Variants in OBSL1 observed in about 807,000 individuals in gnomAD.
The protein encoded by OBSL1 is obscurin-like protein 1.
Under a neutral mutation model 172.0 loss-of-function variants are expected in OBSL1, and 160 were observed. The observed-to-expected ratio is 0.93, with a 90% CI of 0.82 to 1.06. The LOEUF is 1.06. OBSL1 is among the 50% of genes least tolerant of loss of function. The pLI is 0.00. For synonymous variants in OBSL1, 1,200 were observed against 1,196.3 expected (o/e 1.00, Z -0.06); for missense variants, 2,681 against 2,715.4 (o/e 0.99, Z 0.28).
At chr2:219,557,077 C>G in intron 12 of OBSL1, 1 of 487,592 alleles carries the variant, frequency 2.1e-6, no homozygotes, top group Non-Finnish European at 3.6e-6. Flanking sequence ...TGGCCAATGT[C>G]ACACAGCTAC....
Position 219,557,468 on chromosome 2 carries a change from C to A in OBSL1, c.3941G>T (p.Arg1314Leu), listed in dbSNP as rs760985580. The change falls in exon 12 of 21, where the codon CGG becomes CTG. Residue 1314 changes from arginine (R) to leucine (L), a missense_variant. Physicochemically the swap from Arg to Leu is moderately radical, Grantham distance 102. Transcript: ENST00000404537. Reference protein sequence around the residue: ...KDGERLASQGRVQLEQAGARQ... With the variant: ...KDGERLASQGLVQLEQAGARQ... Reference sequence around the variant, plus strand: ...GGCCCCGGCCTGCTCCAGCTGCACCCGCCCCTGGCTTGCCAGTCGCTCCCC... The same window carrying A: ...GGCCCCGGCCTGCTCCAGCTGCACCAGCCCCTGGCTTGCCAGTCGCTCCCC... 6.4e-7 allele frequency: 1 copy of A among 1,551,542 alleles called. No individual in the cohort carries two copies. Among genetic ancestry groups the A allele is most frequent in the South Asian group, 1.2e-5 (1 of 84,180 alleles).
At chr2:219,554,125 G>T in intron 15 of OBSL1, 1 of 417,040 alleles carries the variant, frequency 2.4e-6, no homozygotes, top group Non-Finnish European at 4.4e-6. Flanking sequence ...GGCGGGCAGA[G>T]GGAGCCACGG....
In OBSL1 at chr2:219,571,114, G is replaced by A; in HGVS notation, c.119C>T (p.Pro40Leu). 6.8e-7 allele frequency: 1 copy of A among 1,469,720 alleles called. No homozygotes were observed. The highest frequency in any genetic ancestry group is 1.3e-5 in the South Asian group (1 of 76,484). 91.0% of individuals were successfully genotyped at this position (1,469,720 alleles called of 1,614,324 possible). A position where few individuals can be genotyped will look rare whatever the true frequency, so the allele number is the denominator to read the frequency against. Residue 40 changes from proline to leucine, a missense_variant, in exon 1 of 21, where the codon CCG becomes CTG. Pro to Leu is a moderately conservative substitution (Grantham distance 98, BLOSUM62 -3). Transcript: ENST00000404537. ...ELKCVVLGEP[P>L]PVVVWEKGGQ... ...GCCCTTCTCCCACACCACTACAGGC[G>A]GCGGCTCCCCCAGGACCACGCACTT...
chr2:219,568,376 T>C lies in OBSL1; in HGVS notation c.1013-52A>G, dbSNP rs1697088551. Reference sequence around the variant, plus strand: ...AGAGGGCTCTGGAGAAGGCCCAGACTAGGAGTAGGATACCTAGAAGCGCAT... The same window carrying C: ...AGAGGGCTCTGGAGAAGGCCCAGACCAGGAGTAGGATACCTAGAAGCGCAT... On this transcript the variant is annotated intron_variant, in intron 1 of 20. Transcript: ENST00000404537. This position sits in a 1 kb window ranked among gnomAD's most constrained non-coding sequence, Gnocchi z 4.1. 2 of 1,520,598 alleles carry C rather than the reference T, an allele frequency of 1.3e-6. No homozygotes were observed. Among genetic ancestry groups the C allele is most frequent in the Admixed American group, 2.0e-5 (1 of 51,176 alleles). The allele number at this position is 1,520,598 out of a possible 1,614,324, so 94.2% of individuals were successfully genotyped here.
Position 219,568,896 on chromosome 2 carries a change from G to C in OBSL1, c.1013-572C>G, listed in dbSNP as rs139123368. Among the ~76,000 whole-genome samples, 2 of 151,758 alleles carry C rather than the reference G, an allele frequency of 1.3e-5. No homozygotes were observed. The highest frequency in any genetic ancestry group is 4.8e-5 in the African/African-American group (2 of 41,320). ...AGTAGAGCTGGGATTACAGGCAGGCGCCACCACGCCTGGCTAATGATTTTG... is the reference window on the plus strand; with the variant it reads ...AGTAGAGCTGGGATTACAGGCAGGCCCCACCACGCCTGGCTAATGATTTTG... On this transcript the variant is annotated intron_variant, in intron 1 of 20. Coordinates refer to ENST00000404537, the MANE Select transcript of OBSL1 (RefSeq NM_015311.3). This position sits in a 1 kb window ranked among gnomAD's most constrained non-coding sequence, Gnocchi z 4.1.
chr2:219,561,839 G>A (rs1462552894), intron 8 of OBSL1: 1 of 716,492 alleles, frequency 1.4e-6, no homozygotes, highest in Admixed American at 2.0e-5. Context: ...CAATGGCAGG[G>A]AGGTGGGACA....
intron 18 of OBSL1, 155 bp downstream of exon 18, chr2:219,552,381 G>A (rs1381970584): frequency 8.1e-6 from 7 of 860,412 alleles, no homozygotes; most frequent in African/African-American, 3.4e-5. Context: ...CCGGGACTAG[G>A]GGCTGGGGGC....
intron 7 of OBSL1, 183 bp from the exon 8 acceptor site, chr2:219,562,857 A>C: frequency 3.0e-6 from 2 of 664,186 alleles, no homozygotes; most frequent in Non-Finnish European, 5.0e-6. Flanking sequence ...GCTGTCACAA[A>C]AGCACAGCAG....
intron 14 of OBSL1, chr2:219,555,711 G>A: frequency 8.3e-7 from 1 of 1,208,188 alleles, no homozygotes; most frequent in Non-Finnish European, 1.0e-6. Context: ...ACTTAAGTGG[G>A]TATGTGTATC....
At chr2:219,567,692 C>T in intron 3 of OBSL1, 26 bp downstream of exon 3, 1 of 1,599,312 alleles carries the variant, frequency 6.3e-7, no homozygotes, top group Non-Finnish European at 8.6e-7. Context: ...CCTGCCTCGC[C>T]TGTCCAGAGG....
chr2:219,549,592 C>T (rs1285553737), downstream of OBSL1: 2 of 1,451,074 alleles, frequency 1.4e-6, no homozygotes, highest in East Asian at 2.3e-5. Context: ...GGTGGGGTCT[C>T]AGGGCTGTGG....
At position 219,568,436 on chromosome 2, in the gene OBSL1, C is replaced by A; in HGVS notation, c.1013-112G>T. ...CTGTGTGCTCTTCATGCAGAGCCAG[C>A]GGGCACTGTGGAATCACAGAAAACT... On this transcript the variant is annotated intron_variant, in intron 1 of 20. Transcript: ENST00000404537. This position sits in a 1 kb window ranked among gnomAD's most constrained non-coding sequence, Gnocchi z 4.1. 1.9e-6 allele frequency: 2 copies of A among 1,076,950 alleles called. No homozygotes were observed. The highest frequency in any genetic ancestry group is 2.6e-6 in the Non-Finnish European group (2 of 770,406). 66.7% of individuals were successfully genotyped at this position (1,076,950 alleles called of 1,614,324 possible).
At chr2:219,551,985 C>G in intron 19 of OBSL1, 127 bp downstream of exon 19, 2 of 1,073,588 alleles carry the variant, frequency 1.9e-6, no homozygotes, top group Non-Finnish European at 2.8e-6. Flanking sequence ...GTGACCCGGC[C>G]CAGGAGAGCC....
intron 8 of OBSL1, 45 bp from the exon 9 acceptor site, chr2:219,559,542 G>C: frequency 6.3e-7 from 1 of 1,584,532 alleles, no homozygotes; most frequent in Non-Finnish European, 8.6e-7. Flanking sequence ...CTCACCGTCA[G>C]CCTCTCTGGA....
At position 219,552,533 on chromosome 2, in the gene OBSL1, G is replaced by C. The variant is rs1172691689; in HGVS notation, c.5308+3C>G. The C allele has an allele frequency of 1.3e-6, 2 of 1,595,478 alleles. No homozygotes were observed. The highest frequency in any genetic ancestry group is 3.4e-5 in the Admixed American group (2 of 59,592). On this transcript the variant is annotated splice_donor_region_variant and intron_variant, in intron 18 of 20. Transcript: ENST00000404537. ...GCCCGAAAGGGTAACCAGGCGGGCA[G>C]ACCTTCCTGTCGGATGCGGACGCGG...
chr2:219,562,804 A>C, intron 7 of OBSL1, 130 bp from the exon 8 acceptor site: 140 of 894,836 alleles, frequency 1.6e-4, no homozygotes, highest in Non-Finnish European at 2.1e-4. Context: ...ACCAAATCTC[A>C]CAGCAGCTGA....
intron 9 of OBSL1, chr2:219,559,001 T>G: frequency 1.8e-6 from 1 of 553,364 alleles, no homozygotes; most frequent in Non-Finnish European, 3.2e-6. Context: ...TCAATGAGTA[T>G]TGAACGAATG....
chr2:219,563,752 G>A (rs1015941308), intron 6 of OBSL1, 125 bp from the exon 7 acceptor site: 12 of 1,053,836 alleles, frequency 1.1e-5, no homozygotes, highest in Middle Eastern at 2.1e-4. Flanking sequence ...GTCCTGCTGT[G>A]TAGGGACTCA....
In OBSL1 at chr2:219,556,664, C is replaced by T. The variant is rs1344212915; in HGVS notation, c.4126G>A (p.Asp1376Asn). 1.4e-5 allele frequency: 22 copies of T among 1,612,286 alleles called. No individual in the cohort carries two copies. Among genetic ancestry groups the T allele is most frequent in the Non-Finnish European group, 1.9e-5 (22 of 1,178,574 alleles). The stretch of plus-strand genomic sequence containing the variant: ...GAGACTTCACACCGGAACGTGGCAT[C>T]ATCGCCCTCGTGGACAGTGAGTGGT... ...LTPLTVHEGD[D>N]ATFRCEVSPP... The change falls in exon 13 of 21, where the codon GAT (aspartate) becomes AAT (asparagine). Residue 1376 changes from aspartate to asparagine, a missense_variant. Physicochemically the swap from Asp to Asn is conservative, Grantham distance 23. Transcript: ENST00000404537.
Sources: allele counts gnomAD v4.1 joint callset (sites outside exome capture counted in the v4.1 genomes callset), GRCh38; gene constraint gnomAD v4.1.1; non-coding constraint Gnocchi (gnomAD v3.1); transcripts MANE v1.5; gene names NCBI Gene and HGNC (gene_info 2026-07-23, HGNC 2026-07-21).